SNTG1: variants seen among roughly 807,000 people sequenced by gnomAD.
SNTG1 encodes syntrophin gamma 1, also known as gamma-1-syntrophin.
Under a neutral mutation model 74.7 loss-of-function variants are expected in SNTG1, and 39 were observed. The ratio of observed to expected loss-of-function variants is 0.52; its 90% CI spans 0.40 to 0.68. The LOEUF (loss-of-function observed/expected upper bound fraction) is 0.68, where lower values mean the gene tolerates loss of function less well. Ranked by LOEUF, SNTG1 falls within the 30% of genes least tolerant of loss-of-function variation. The pLI, the probability that SNTG1 is intolerant of heterozygous loss-of-function variation, is 0.00. For missense variants in SNTG1, 685 were observed against 609.5 expected (o/e 1.12, Z -1.30); for synonymous variants, 254 against 217.1 (o/e 1.17, Z -1.49).
intron 18 of SNTG1, among the ~76,000 whole-genome samples, chr8:50,781,211 C>T (rs2095658399): frequency 6.6e-6 from 1 of 152,134 alleles, no homozygotes; most frequent in South Asian, 2.1e-4. Context: ...CTGTAGATGT[C>T]TATTAAGTCC....
intron 1 of SNTG1, among the ~76,000 whole-genome samples, chr8:49,957,779 C>T (rs1032645597): frequency 1.3e-5 from 2 of 152,044 alleles, no homozygotes; most frequent in African/African-American, 2.4e-5. Flanking sequence ...GACTGCACAA[C>T]ATGGGGAGAC....
chr8:50,530,139 T>C, intron 9 of SNTG1, 38 bp from the exon 10 acceptor site: 1 of 1,567,080 alleles, frequency 6.4e-7, no homozygotes, highest in Non-Finnish European at 8.8e-7. Flanking sequence ...GGTTATGGCA[T>C]TCTCACCAGT....
intron 8 of SNTG1, chr8:50,457,137 C>T (rs2093513902): frequency 1.3e-5 from 2 of 152,192 alleles, no homozygotes; most frequent in Admixed American, 1.3e-4. Context: ...CTCATTCTGT[C>T]TTGCCCTCGT....
intron 1 of SNTG1, among the ~76,000 whole-genome samples, chr8:50,095,805 T>C (rs1285979312): frequency 2.0e-5 from 3 of 152,202 alleles, no homozygotes; most frequent in African/African-American, 7.2e-5. Context: ...TTTTAGAATC[T>C]CTCCTTTGTG....
intron 12 of SNTG1, among the ~76,000 whole-genome samples, chr8:50,576,225 G>A (rs1483815852): frequency 6.6e-6 from 1 of 152,142 alleles, no homozygotes; most frequent in African/African-American, 2.4e-5. Context: ...AGAATCATTA[G>A]TTAATACGAC....
At chr8:50,433,030 T>C (rs1231788310) in intron 4 of SNTG1, among the ~76,000 whole-genome samples, 1 of 152,142 alleles carries the variant, frequency 6.6e-6, no homozygotes, top group African/African-American at 2.4e-5. Flanking sequence ...CCTCCAGTGA[T>C]CCACCTGCCT....
At chr8:50,725,995 T>C (rs946021641) in intron 17 of SNTG1, among the ~76,000 whole-genome samples, 1 of 152,192 alleles carries the variant, frequency 6.6e-6, no homozygotes, top group Admixed American at 6.5e-5. Flanking sequence ...CTACTCTGTC[T>C]TCCCTCTCAG....
intron 9 of SNTG1, among the ~76,000 whole-genome samples, chr8:50,526,736 T>C (rs777653500): frequency 2.6e-5 from 4 of 152,058 alleles, no homozygotes; most frequent in Non-Finnish European, 5.9e-5. Context: ...GCAGTTCTCC[T>C]GCTCAGCCAC....
intron 12 of SNTG1, among the ~76,000 whole-genome samples, chr8:50,557,182 T>G (rs1585676962): frequency 8.0e-6 from 1 of 124,360 alleles, no homozygotes; most frequent in Non-Finnish European, 1.7e-5. Context: ...ATCAGGCGGG[T>G]GGTGGCAGGG....
At chr8:50,010,047 T>C (rs1815625132) in intron 1 of SNTG1, among the ~76,000 whole-genome samples, 2 of 152,308 alleles carry the variant, frequency 1.3e-5, no homozygotes, top group African/African-American at 4.8e-5. Context: ...TTCCTTTTTA[T>C]CAAGTCTCAA....
intron 2 of SNTG1, among the ~76,000 whole-genome samples, chr8:50,242,402 C>CCTGT (rs2086202384): frequency 6.6e-6 from 1 of 151,688 alleles, no homozygotes; most frequent in Non-Finnish European, 1.5e-5. Flanking sequence ...GTGGTGTGTG[C>CCTGT]CTGTAATCCC....
intron 1 of SNTG1, among the ~76,000 whole-genome samples, chr8:50,117,117 T>C (rs1554581018): frequency 6.6e-6 from 1 of 151,966 alleles, no homozygotes; most frequent in Non-Finnish European, 1.5e-5. Context: ...AACTAACATA[T>C]TCCGTTCTTT....
At chr8:50,434,249 A>G (rs1272877855) in intron 4 of SNTG1, among the ~76,000 whole-genome samples, 5 of 152,152 alleles carry the variant, frequency 3.3e-5, no homozygotes, top group African/African-American at 7.2e-5. Context: ...ATAGTATTCC[A>G]TGGTATATGT....
intron 4 of SNTG1, among the ~76,000 whole-genome samples, chr8:50,411,466 G>T (rs371441983): frequency 6.7e-6 from 1 of 148,740 alleles, no homozygotes; most frequent in Admixed American, 6.7e-5. Flanking sequence ...AAAATAAAAA[G>T]ACTCCATCTC....
intron 4 of SNTG1, among the ~76,000 whole-genome samples, chr8:50,428,780 T>C (rs1177031179): frequency 6.6e-6 from 1 of 152,166 alleles, no homozygotes; most frequent in Non-Finnish European, 1.5e-5. Context: ...CCTTTTTTTG[T>C]AATTTATTCT....
chr8:50,302,485 G>A (rs1271263793), intron 2 of SNTG1, among the ~76,000 whole-genome samples: 2 of 152,074 alleles, frequency 1.3e-5, no homozygotes, highest in South Asian at 2.1e-4. Flanking sequence ...CAGTATCCAT[G>A]ATCATCCCTC....
intron 17 of SNTG1, among the ~76,000 whole-genome samples, chr8:50,716,535 G>T (rs901397796): frequency 1.3e-4 from 19 of 151,706 alleles, no homozygotes; most frequent in African/African-American, 4.4e-4. Flanking sequence ...TGTATTTATT[G>T]CAAAACGAAC....
intron 1 of SNTG1, among the ~76,000 whole-genome samples, chr8:49,977,939 CA>C (rs1426405790): frequency 4.6e-5 from 7 of 152,112 alleles, no homozygotes; most frequent in Non-Finnish European, 8.8e-5. Context: ...GATTTGTGAC[CA>C]GGGGGATATC....
chr8:50,159,779 C>T (rs1563675942), intron 1 of SNTG1, among the ~76,000 whole-genome samples: 1 of 152,164 alleles, frequency 6.6e-6, no homozygotes, highest in Non-Finnish European at 1.5e-5. Flanking sequence ...CAGGCATCCT[C>T]TCATTCTACC....
Sources: allele counts gnomAD v4.1 joint callset (sites outside exome capture counted in the v4.1 genomes callset), GRCh38; gene constraint gnomAD v4.1.1; transcripts MANE v1.5; gene names NCBI Gene and HGNC (gene_info 2026-07-23, HGNC 2026-07-21).